ZRANB1: variants seen among roughly 807,000 people sequenced by gnomAD.
The protein encoded by ZRANB1 is ubiquitin thioesterase ZRANB1.
Under a neutral mutation model 80.5 loss-of-function variants are expected in ZRANB1, and 16 were observed. The observed-to-expected ratio is 0.20, with a 90% CI of 0.13 to 0.30. ZRANB1 has a LOEUF of 0.30. Ranked by LOEUF, ZRANB1 falls within the 10% of genes least tolerant of loss-of-function variation. The pLI is 1.00. For synonymous variants in ZRANB1, 291 were observed against 293.1 expected (o/e 0.99, Z 0.07); for missense variants, 576 against 862.6 (o/e 0.67, Z 4.16).
At chr10:124,931,651 G>A in the ZRANB1 span, among the ~76,000 whole-genome samples, 6 of 152,158 alleles carry the variant, frequency 3.9e-5, no homozygotes, top group East Asian at 1.9e-4. Flanking sequence ...GATTACAGGC[G>A]TGAGCCACTG....
intron 1 of ZRANB1, among the ~76,000 whole-genome samples, chr10:124,956,384 G>A (rs1951687755): frequency 6.6e-6 from 1 of 152,114 alleles, no homozygotes; most frequent in Admixed American, 6.6e-5. Context: ...ATAAAGAAAT[G>A]CAATAGTTTC....
At chr10:124,930,258 C>T in the ZRANB1 span, among the ~76,000 whole-genome samples, 104 of 152,108 alleles carry the variant, frequency 6.8e-4, 1 homozygote, top group South Asian at 9.3e-3. Context: ...CATTTCCTTC[C>T]TTCCTTTCCT....
At chr10:124,981,899 G>A (rs1380149234) in intron 6 of ZRANB1, 70 bp downstream of exon 6, 4 of 1,578,428 alleles carry the variant, frequency 2.5e-6, no homozygotes, top group Non-Finnish European at 1.7e-6. Context: ...GTTTATTTGA[G>A]CAAACCATGT....
intron 4 of ZRANB1, among the ~76,000 whole-genome samples, 186 bp from the exon 5 acceptor site, chr10:124,974,014 A>G (rs1951851782): frequency 6.6e-6 from 1 of 152,250 alleles, no homozygotes; most frequent in African/African-American, 2.4e-5. Context: ...TTATTAAATT[A>G]TTCTAGAGAC....
chr10:124,956,561 C>T (rs995765697), intron 1 of ZRANB1, among the ~76,000 whole-genome samples: 1 of 152,262 alleles, frequency 6.6e-6, no homozygotes, highest in Middle Eastern at 3.4e-3. Context: ...CTCTGCCTCC[C>T]AGGCTCCAGC....
chr10:124,947,791 T>A (rs546208771), intron 1 of ZRANB1, among the ~76,000 whole-genome samples: 2 of 152,294 alleles, frequency 1.3e-5, no homozygotes, highest in Non-Finnish European at 2.9e-5. Context: ...ATTCTTTGGC[T>A]CTACCTTCAA....
chr10:124,983,076 C>T lies in ZRANB1; in HGVS notation c.1549-99C>T. 1 of 1,258,314 alleles carries T rather than the reference C, an allele frequency of 7.9e-7. No homozygotes were observed. The highest frequency in any genetic ancestry group is 1.7e-5 in the South Asian group (1 of 59,628). The allele number at this position is 1,258,314 out of a possible 1,614,324, so 77.9% of individuals were successfully genotyped here. Reference sequence around the variant, plus strand: ...CAATCTTTTCTTTCTTAAAAACCAACTGCGATAGTATACTGAAGGGGAGGT... The same window carrying T: ...CAATCTTTTCTTTCTTAAAAACCAATTGCGATAGTATACTGAAGGGGAGGT... On this transcript the variant is annotated intron_variant, in intron 6 of 8. Coordinates refer to ENST00000359653, the MANE Select transcript of ZRANB1 (RefSeq NM_017580.3). The surrounding 1 kb of genome is among the most constrained non-coding windows in gnomAD (Gnocchi z 6.2).
At chr10:124,965,293 T>C (rs1367886636) in intron 1 of ZRANB1, among the ~76,000 whole-genome samples, 2 of 152,078 alleles carry the variant, frequency 1.3e-5, no homozygotes, top group African/African-American at 2.4e-5. Flanking sequence ...ATATAATGGG[T>C]TTTCAACCTG....
upstream of ZRANB1, among the ~76,000 whole-genome samples, chr10:124,937,766 T>G (rs1951501342): frequency 6.6e-6 from 1 of 152,246 alleles, no homozygotes; most frequent in African/African-American, 2.4e-5. Flanking sequence ...TTAGTACTTG[T>G]CAATTTAGTA....
Position 124,942,437 on chromosome 10 carries a change from C to T in ZRANB1, c.-57C>T, listed in dbSNP as rs1564954429. 1 of 1,604,274 alleles carries T rather than the reference C, an allele frequency of 6.2e-7. No homozygotes were observed. The highest frequency in any genetic ancestry group is 8.5e-7 in the Non-Finnish European group (1 of 1,173,640). ...GGTGGAATGTAGTTATTTTAATAAC[C>T]ATGTCCTAATTATTTATAGCTTCCT... is the stretch of plus-strand genomic sequence containing the variant. On this transcript the variant is annotated 5_prime_UTR_variant, in exon 1 of 9. Transcript: ENST00000359653.
chr10:124,971,422 G>A (rs530789150), intron 2 of ZRANB1, among the ~76,000 whole-genome samples: 21 of 152,284 alleles, frequency 1.4e-4, no homozygotes, highest in African/African-American at 5.1e-4. Context: ...GATGCCAAAT[G>A]CTTTTTTAAA....
In ZRANB1 at chr10:124,987,043, A is replaced by G. The variant is rs897624239; in HGVS notation, c.*2051A>G. 1.3e-5 allele frequency: 2 copies of G among 152,610 alleles called. No homozygotes were observed. The highest frequency in any genetic ancestry group is 2.9e-5 in the Non-Finnish European group (2 of 68,036). 9.5% of individuals were successfully genotyped at this position (152,610 alleles called of 1,614,324 possible). A position where few individuals can be genotyped will look rare whatever the true frequency, so the allele number is the denominator to read the frequency against. ...TGCAGCATTCTTCCCTGTGGGAAAGAATTAAAGATGGTTCCATTTCCTAGG... is the reference window on the plus strand; with the variant it reads ...TGCAGCATTCTTCCCTGTGGGAAAGGATTAAAGATGGTTCCATTTCCTAGG... On this transcript the variant is annotated 3_prime_UTR_variant, in exon 9 of 9. Coordinates refer to ENST00000359653, the MANE Select transcript of ZRANB1 (RefSeq NM_017580.3).
chr10:124,954,476 C>A (rs1589844404), intron 1 of ZRANB1, among the ~76,000 whole-genome samples: 1 of 126,538 alleles, frequency 7.9e-6, no homozygotes, highest in Non-Finnish European at 1.6e-5. Flanking sequence ...GAAACAGGGT[C>A]TTGCTCTGTT....
At chr10:124,943,452 C>G (rs1035140495) in intron 1 of ZRANB1, 145 bp downstream of exon 1, 4 of 740,296 alleles carry the variant, frequency 5.4e-6, no homozygotes, top group Admixed American at 5.8e-5. Flanking sequence ...ATGCCATGAT[C>G]GGTCTGTGAA....
the ZRANB1 span, among the ~76,000 whole-genome samples, chr10:124,932,506 G>C: frequency 6.6e-6 from 1 of 152,046 alleles, no homozygotes; most frequent in African/African-American, 2.4e-5. Context: ...GGCCAGGCTG[G>C]TCTTGAACTC....
chr10:124,966,708 A>G lies in ZRANB1; in HGVS notation c.929A>G (p.Asp310Gly), dbSNP rs950984294. The G allele has an allele frequency of 2.5e-6, 4 of 1,614,118 alleles. No individual in the cohort carries two copies. The Admixed American group carries it at 6.7e-5, about 27-fold the overall frequency. ...VRLLNRPSAFDVGYTLVHLAI... is the reference protein window; with the variant it reads ...VRLLNRPSAFGVGYTLVHLAI... Reference sequence around the variant, plus strand: ...TTGCTGAATCGTCCTTCTGCCTTTGATGTTGGCTATACTCTTGTACACTTG... The same window carrying G: ...TTGCTGAATCGTCCTTCTGCCTTTGGTGTTGGCTATACTCTTGTACACTTG... The change falls in exon 2 of 9, where the codon GAT becomes GGT. Residue 310 changes from aspartate to glycine, a missense_variant. Coordinates refer to ENST00000359653, the MANE Select transcript of ZRANB1 (RefSeq NM_017580.3).
At chr10:124,926,941 G>A in the ZRANB1 span, among the ~76,000 whole-genome samples, 9 of 152,096 alleles carry the variant, frequency 5.9e-5, no homozygotes, top group Non-Finnish European at 8.8e-5. Context: ...TGGTTATGCA[G>A]GCTATCACTG....
intron 4 of ZRANB1, 92 bp downstream of exon 4, chr10:124,973,808 C>T (rs897557076): frequency 8.9e-7 from 1 of 1,127,886 alleles, no homozygotes; most frequent in Admixed American, 2.4e-5. Flanking sequence ...GTGTAGTCAA[C>T]TTGCTTTATT....
the ZRANB1 span, among the ~76,000 whole-genome samples, chr10:124,925,858 A>G: frequency 6.6e-6 from 1 of 152,214 alleles, no homozygotes; most frequent in Non-Finnish European, 1.5e-5. Flanking sequence ...TGTTCTGAGC[A>G]ATGCATTTTT....
Sources: allele counts gnomAD v4.1 joint callset (sites outside exome capture counted in the v4.1 genomes callset), GRCh38; gene constraint gnomAD v4.1.1; non-coding constraint Gnocchi (gnomAD v3.1); transcripts MANE v1.5; gene names NCBI Gene and HGNC (gene_info 2026-07-23, HGNC 2026-07-21).